The following SMOC2 variants were observed in gnomAD, a reference collection of about 807,000 sequenced individuals.
SMOC2 encodes SPARC-related modular calcium-binding protein 2.
Under a neutral mutation model 61.4 loss-of-function variants are expected in SMOC2, and 39 were observed. The ratio of observed to expected loss-of-function variants is 0.64; its 90% CI spans 0.49 to 0.83. The LOEUF is 0.83. Ranked by LOEUF, SMOC2 falls within the 40% of genes least tolerant of loss-of-function variation. The probability of loss-of-function intolerance (pLI) is 0.00; values close to 1 mark genes in which losing one functional copy is unlikely to be tolerated. For missense variants in SMOC2, 556 were observed against 592.9 expected, an observed-to-expected ratio of 0.94 and a Z score of 0.65; for synonymous variants, 247 against 239.9, an observed-to-expected ratio of 1.03 and a Z score of -0.27.
intron 1 of SMOC2, among the ~76,000 whole-genome samples, chr6:168,497,624 C>T (rs776903134): frequency 2.0e-5 from 3 of 152,138 alleles, no homozygotes; most frequent in Non-Finnish European, 2.9e-5. Context: ...CGGAACGTAC[C>T]GTTCTCTGGA....
At chr6:168,479,283 G>C (rs1041342799) in intron 1 of SMOC2, among the ~76,000 whole-genome samples, 2 of 152,254 alleles carry the variant, frequency 1.3e-5, no homozygotes, top group Non-Finnish European at 2.9e-5. Context: ...ATTTGTACTT[G>C]TGAGCATTGG....
intron 1 of SMOC2, among the ~76,000 whole-genome samples, chr6:168,506,946 A>C (rs1782884726): frequency 6.6e-6 from 1 of 152,244 alleles, no homozygotes; most frequent in South Asian, 2.1e-4. Flanking sequence ...ATTTTCTTAC[A>C]TGCACTGTCT....
chr6:168,521,565 T>C (rs1313128706), intron 2 of SMOC2, among the ~76,000 whole-genome samples: 1 of 152,190 alleles, frequency 6.6e-6, no homozygotes, highest in Non-Finnish European at 1.5e-5. Flanking sequence ...CTTGCACAAT[T>C]AACTATCATT....
chr6:168,518,759 G>A (rs1294121997), intron 2 of SMOC2, among the ~76,000 whole-genome samples: 3 of 151,124 alleles, frequency 2.0e-5, no homozygotes, highest in Non-Finnish European at 4.4e-5. Context: ...ATGTGTGTGT[G>A]TTCATGTGCG....
intron 2 of SMOC2, among the ~76,000 whole-genome samples, chr6:168,519,032 TGTATGTGTGC>T (rs1783248787): frequency 2.3e-5 from 1 of 44,268 alleles, no homozygotes. Context: ...AACATGTGTG[TGTATGTGTGC>T]ATGTGTGAGC....
At chr6:168,613,586 G>A (rs75762970) in intron 9 of SMOC2, among the ~76,000 whole-genome samples, 37,055 of 148,636 alleles carry the variant, frequency 0.25, 4,785 homozygotes, top group Non-Finnish European at 0.26. Context: ...CTCCCTAAAG[G>A]GCATGGCACA....
intron 1 of SMOC2, among the ~76,000 whole-genome samples, chr6:168,454,687 G>A (rs1781542459): frequency 1.3e-5 from 2 of 152,082 alleles, no homozygotes; most frequent in African/African-American, 4.8e-5. Context: ...ATGAAGAAAG[G>A]GAAAAGAAAA....
At chr6:168,459,443 G>T (rs1176666773) in intron 1 of SMOC2, among the ~76,000 whole-genome samples, 1 of 152,146 alleles carries the variant, frequency 6.6e-6, no homozygotes. Context: ...GAGTTCCTTC[G>T]GTCATGCCTG....
intron 1 of SMOC2, among the ~76,000 whole-genome samples, chr6:168,446,695 AACAG>A (rs1692634194): frequency 6.6e-6 from 1 of 152,246 alleles, no homozygotes; most frequent in Non-Finnish European, 1.5e-5. Context: ...AAGTGAAAAT[AACAG>A]ACATTCTTAT....
intron 7 of SMOC2, among the ~76,000 whole-genome samples, chr6:168,571,061 G>T (rs1282191024): frequency 6.6e-6 from 1 of 152,154 alleles, no homozygotes; most frequent in Non-Finnish European, 1.5e-5. Context: ...TGACAGTGGC[G>T]CATGGCCTGA....
At position 168,529,711 on chromosome 6, in the gene SMOC2, C is replaced by A. The variant is rs141017680; in HGVS notation, c.463+1984C>A. Among the ~76,000 whole-genome samples the A allele has an allele frequency of 3.7e-3, 570 of 152,238 alleles. 1 individual carries two copies. Among genetic ancestry groups the A allele is most frequent in the African/African-American group, 0.013 (550 of 41,540 alleles). Reference sequence around the variant, plus strand: ...AGGCGAGAGGTGTTGAGTATACATACCCCCCAAACACAGAGAATTTATCAT... The same window carrying A: ...AGGCGAGAGGTGTTGAGTATACATAACCCCCAAACACAGAGAATTTATCAT... On this transcript the variant is annotated intron_variant, in intron 4 of 12. Transcript: ENST00000356284.
At chr6:168,504,188 C>T (rs1318862494) in intron 1 of SMOC2, among the ~76,000 whole-genome samples, 1 of 151,944 alleles carries the variant, frequency 6.6e-6, no homozygotes, top group African/African-American at 2.4e-5. Flanking sequence ...TGGGCGGTCC[C>T]CAACCTTTTC....
At chr6:168,629,490 G>C (rs950494040) in intron 9 of SMOC2, among the ~76,000 whole-genome samples, 4 of 152,210 alleles carry the variant, frequency 2.6e-5, no homozygotes, top group African/African-American at 9.6e-5. Context: ...CTGGACCCCA[G>C]GGATTTAATT....
chr6:168,639,998 G>C (rs1477033861), intron 9 of SMOC2, among the ~76,000 whole-genome samples: 1 of 152,144 alleles, frequency 6.6e-6, no homozygotes, highest in African/African-American at 2.4e-5. Context: ...CTTTGCTTTG[G>C]GGGCATAGAT....
chr6:168,601,130 T>C (rs1785542703), intron 8 of SMOC2, among the ~76,000 whole-genome samples: 1 of 152,266 alleles, frequency 6.6e-6, no homozygotes, highest in Non-Finnish European at 1.5e-5. Context: ...TCCAAATTTG[T>C]CACCAAGTGT....
chr6:168,595,216 TCTCC>T lies in SMOC2; in HGVS notation c.638-3601_638-3598del, dbSNP rs1178439954. Among the ~76,000 whole-genome samples the T allele has an allele frequency of 4.0e-5, 5 of 126,482 alleles. 1 individual carries two copies. Among genetic ancestry groups the T allele is most frequent in the African/African-American group, 6.1e-5 (2 of 32,978 alleles). 83.0% of individuals were successfully genotyped at this position (126,482 alleles called of 152,430 possible). On this transcript the variant is annotated intron_variant, in intron 7 of 12. Coordinates refer to ENST00000356284, the MANE Select transcript of SMOC2 (RefSeq NM_001166412.2). Reference sequence around the variant, plus strand: ...TCACGAGGGGCATCTTTCTAGAGGATCTCCGAGCTCCTCCTCCTTCCTGAGGCCT... The same window carrying T: ...TCACGAGGGGCATCTTTCTAGAGGATGAGCTCCTCCTCCTTCCTGAGGCCT...
intron 11 of SMOC2, among the ~76,000 whole-genome samples, chr6:168,656,130 CTT>C (rs1053980051): frequency 5.2e-4 from 79 of 152,304 alleles, no homozygotes; most frequent in African/African-American, 1.7e-3. Flanking sequence ...GTTTATGACT[CTT>C]TTATTTGTTG....
chr6:168,615,368 AGG>A (rs775181444), intron 9 of SMOC2, among the ~76,000 whole-genome samples: 10 of 37,902 alleles, frequency 2.6e-4, no homozygotes, highest in African/African-American at 7.3e-4. Flanking sequence ...CAGCCAGCAC[AGG>A]GGGCCTCTTC....
rs911266867 is a variant in SMOC2, at chr6:168,653,179, C to T, written c.1236C>T (p.Cys412=). 1.9e-6 allele frequency: 3 copies of T among 1,614,106 alleles called. No individual in the cohort carries two copies. The highest frequency in any genetic ancestry group is 3.3e-5 in the Admixed American group (2 of 60,022). Reference sequence around the variant, plus strand: ...TCTCCGTACAAGAACTGATGGGCTGCCTGGGCGTGGCGAAAGAGGACGGCA... The same window carrying T: ...TCTCCGTACAAGAACTGATGGGCTGTCTGGGCGTGGCGAAAGAGGACGGCA... ...KSISVQELMG[C]LGVAKEDGKA... is the part of the protein sequence containing the mutation. The change falls in exon 11 of 13, where the codon TGC becomes TGT. Residue 412 remains cysteine, a synonymous_variant. Transcript: ENST00000356284.
Sources: allele counts gnomAD v4.1 joint callset (sites outside exome capture counted in the v4.1 genomes callset), GRCh38; gene constraint gnomAD v4.1.1; transcripts MANE v1.5; gene names NCBI Gene and HGNC (gene_info 2026-07-23, HGNC 2026-07-21).